The following PITPNC1 variants were observed in gnomAD, a reference collection of about 807,000 sequenced individuals.
PITPNC1 encodes the protein cytoplasmic phosphatidylinositol transfer protein 1.
In PITPNC1, 18 loss-of-function variants were observed where a neutral mutation model predicts 44.7. That is an observed-to-expected ratio of 0.40 (90% CI 0.28 to 0.60). PITPNC1 has a LOEUF of 0.60. Among genes scored for constraint, PITPNC1 ranks in the 20% least tolerant of loss-of-function variants. The pLI, the probability that PITPNC1 is intolerant of heterozygous loss-of-function variation, is 0.39. For missense variants in PITPNC1, 290 were observed against 418.4 expected, an observed-to-expected ratio of 0.69 and a Z score of 2.68; for synonymous variants, 141 against 149.6, an observed-to-expected ratio of 0.94 and a Z score of 0.42.
intron 5 of PITPNC1, among the ~76,000 whole-genome samples, chr17:67,622,505 T>C (rs892022808): frequency 3.3e-5 from 4 of 121,748 alleles, no homozygotes; most frequent in African/African-American, 1.2e-4. Context: ...TCATTGGTGG[T>C]AGCCTGGACT....
chr17:67,509,596 AAAT>A (rs1464104920), intron 1 of PITPNC1, among the ~76,000 whole-genome samples: 142 of 150,482 alleles, frequency 9.4e-4, no homozygotes, highest in African/African-American at 3.1e-3. Flanking sequence ...ATAAATAAAT[AAAT>A]AAAACGTGTT....
intron 2 of PITPNC1, among the ~76,000 whole-genome samples, chr17:67,538,637 G>A (rs2040562750): frequency 6.6e-6 from 1 of 151,976 alleles, no homozygotes. Context: ...ATTCCAGATT[G>A]ATTAAAAACC....
At chr17:67,673,596 T>A (rs1021439588) in intron 7 of PITPNC1, among the ~76,000 whole-genome samples, 20 of 152,280 alleles carry the variant, frequency 1.3e-4, no homozygotes, top group Admixed American at 9.2e-4. Context: ...TTCTATTACA[T>A]GAAAGTCAAA....
chr17:67,635,833 C>T (rs764557917), intron 6 of PITPNC1, among the ~76,000 whole-genome samples: 2 of 152,110 alleles, frequency 1.3e-5, no homozygotes, highest in East Asian at 1.9e-4. Context: ...GAAAACTGTC[C>T]GCTGGAGCAG....
chr17:67,569,453 C>A (rs568528124), intron 4 of PITPNC1, among the ~76,000 whole-genome samples: 3 of 152,206 alleles, frequency 2.0e-5, no homozygotes, highest in Non-Finnish European at 4.4e-5. Context: ...CAGATCCACC[C>A]GTCACTTCCA....
intron 6 of PITPNC1, chr17:67,638,509 T>C (rs6504518): frequency 0.13 from 20,221 of 152,094 alleles, 1,730 homozygotes; most frequent in African/African-American, 0.22. Flanking sequence ...TAGACACAAA[T>C]GTGTAGGGCG....
chr17:67,668,076 T>C lies in PITPNC1; in HGVS notation c.463-1432T>C, dbSNP rs181549971. On this transcript the variant is annotated intron_variant, in intron 6 of 8. Transcript: ENST00000581322. ...TTAAGTGTAAAACTCAGTGAATGTG[T>C]ACACGTTACATCCAGGTCAACATAT... Among the ~76,000 whole-genome samples, 12 of 152,314 alleles carry C rather than the reference T, an allele frequency of 7.9e-5. No individual in the cohort carries two copies. The East Asian group carries it at 2.3e-3, about 29-fold the overall frequency.
intron 1 of PITPNC1, among the ~76,000 whole-genome samples, chr17:67,424,182 T>C (rs745429323): frequency 6.0e-5 from 9 of 149,398 alleles, no homozygotes; most frequent in South Asian, 2.1e-4. Flanking sequence ...AACTAGCGAA[T>C]GGTATGGTAG....
At chr17:67,533,849 T>C (rs2040494550) in intron 2 of PITPNC1, among the ~76,000 whole-genome samples, 2 of 152,134 alleles carry the variant, frequency 1.3e-5, no homozygotes, top group Non-Finnish European at 2.9e-5. Context: ...CTTTGCAAAA[T>C]ATATTCTTTA....
chr17:67,564,410 G>A lies in PITPNC1; in HGVS notation c.294+10793G>A, dbSNP rs181745906. 1.3e-3 allele frequency among the ~76,000 whole-genome samples: 198 copies of A among 152,210 alleles called. 1 individual carries two copies. The highest frequency in any genetic ancestry group is 4.3e-3 in the African/African-American group (177 of 41,540). ...GTCGTTATCCAAGGACAGGAGGGGA[G>A]GAGTGTGTCCCCACTCCAGCAGATA... On this transcript the variant is annotated intron_variant, in intron 4 of 8. Transcript: ENST00000581322.
chr17:67,522,696 T>C (rs911126323), intron 1 of PITPNC1, among the ~76,000 whole-genome samples: 1 of 146,180 alleles, frequency 6.8e-6, no homozygotes, highest in African/African-American at 2.6e-5. Context: ...CTCACTTGCT[T>C]GCCCAGGCTG....
At chr17:67,384,334 C>T (rs1289188609) in intron 1 of PITPNC1, among the ~76,000 whole-genome samples, 5 of 152,178 alleles carry the variant, frequency 3.3e-5, no homozygotes, top group Non-Finnish European at 1.5e-5. Flanking sequence ...TTTTCTTGCG[C>T]ACATTTCTGA....
intron 1 of PITPNC1, among the ~76,000 whole-genome samples, chr17:67,419,100 C>A (rs2038627537): frequency 6.6e-6 from 1 of 151,674 alleles, no homozygotes; most frequent in Non-Finnish European, 1.5e-5. Context: ...GATTAACATT[C>A]AGTGGTATTA....
intron 1 of PITPNC1, among the ~76,000 whole-genome samples, chr17:67,510,443 T>C (rs2040169882): frequency 6.6e-6 from 1 of 152,204 alleles, no homozygotes; most frequent in Non-Finnish European, 1.5e-5. Context: ...CTGCCCCTCT[T>C]TAGACCCCTG....
chr17:67,542,479 G>A (rs1246074257), intron 2 of PITPNC1, among the ~76,000 whole-genome samples: 4 of 152,162 alleles, frequency 2.6e-5, no homozygotes, highest in South Asian at 2.1e-4. Context: ...TTCATTAAAC[G>A]AGTATTTGCT....
intron 2 of PITPNC1, among the ~76,000 whole-genome samples, chr17:67,547,274 G>A (rs751868924): frequency 2.0e-5 from 3 of 152,162 alleles, no homozygotes; most frequent in Non-Finnish European, 2.9e-5. Context: ...CAGCATTTCA[G>A]GAGGCCGAGA....
At chr17:67,464,056 A>G (rs11651775) in intron 1 of PITPNC1, among the ~76,000 whole-genome samples, 74,311 of 151,872 alleles carry the variant, frequency 0.49, 18,679 homozygotes, top group East Asian at 0.75. Flanking sequence ...GGCCAGGTAC[A>G]GTGGCTCGTG....
At chr17:67,614,671 CAA>C (rs11460739) in intron 5 of PITPNC1, among the ~76,000 whole-genome samples, 9 of 92,564 alleles carry the variant, frequency 9.7e-5, no homozygotes, top group Admixed American at 5.8e-4. Context: ...GACTCCGTCT[CAA>C]AAAAAAAAAA....
At chr17:67,516,194 A>C (rs1197852758) in intron 1 of PITPNC1, among the ~76,000 whole-genome samples, 1 of 152,202 alleles carries the variant, frequency 6.6e-6, no homozygotes, top group Non-Finnish European at 1.5e-5. Flanking sequence ...AACATGCAGG[A>C]GTGAGCAGTC....
Sources: allele counts gnomAD v4.1 joint callset (sites outside exome capture counted in the v4.1 genomes callset), GRCh38; gene constraint gnomAD v4.1.1; transcripts MANE v1.5; gene names NCBI Gene and HGNC (gene_info 2026-07-23, HGNC 2026-07-21).